SLX4IP: variants seen among roughly 807,000 people sequenced by gnomAD.
SLX4IP encodes protein SLX4IP.
In SLX4IP, 34 loss-of-function variants were observed where a neutral mutation model predicts 32.9. That is an observed-to-expected ratio of 1.03 (90% CI 0.79 to 1.38). The LOEUF is 1.38. SLX4IP is among the 40% of genes most tolerant of loss of function. The pLI is 0.00. For missense variants in SLX4IP, 444 were observed against 479.0 expected, an observed-to-expected ratio of 0.93 and a Z score of 0.68; for synonymous variants, 172 against 171.7, an observed-to-expected ratio of 1.00 and a Z score of -0.01.
intron 5 of SLX4IP, among the ~76,000 whole-genome samples, chr20:10,600,052 A>G (rs4141599): frequency 0.75 from 112,989 of 151,364 alleles, 42,573 homozygotes; most frequent in African/African-American, 0.86. Flanking sequence ...TGATTTTTTT[A>G]GGGGGGGGAG....
intron 2 of SLX4IP, among the ~76,000 whole-genome samples, chr20:10,460,372 A>G (rs967668736): frequency 1.3e-5 from 2 of 152,216 alleles, no homozygotes; most frequent in African/African-American, 4.8e-5. Flanking sequence ...GTTGCCTAGC[A>G]TCAATTGAGT....
intron 6 of SLX4IP, among the ~76,000 whole-genome samples, chr20:10,619,941 A>G (rs762393560): frequency 6.6e-6 from 1 of 152,228 alleles, no homozygotes; most frequent in East Asian, 1.9e-4. Context: ...TTGGGTTATA[A>G]CCAGATATGA....
Position 10,627,369 on chromosome 20 carries a change from A to G in SLX4IP, c.*3990A>G, listed in dbSNP as rs2122580351. Reference sequence around the variant, plus strand: ...AAAATTAGGTTGGTTTATCTTAAATAGTTAAAAGCCTTCCTTAGTACAAAA... The same window carrying G: ...AAAATTAGGTTGGTTTATCTTAAATGGTTAAAAGCCTTCCTTAGTACAAAA... On this transcript the variant is annotated 3_prime_UTR_variant, in exon 8 of 8. Transcript: ENST00000334534. 1 of 152,376 alleles carries G rather than the reference A, an allele frequency of 6.6e-6. No individual in the cohort carries two copies. Among genetic ancestry groups the G allele is most frequent in the Non-Finnish European group, 1.5e-5 (1 of 68,034 alleles). The allele number at this position is 152,376 out of a possible 1,614,324, so 9.4% of individuals were successfully genotyped here. A position where few individuals can be genotyped will look rare whatever the true frequency, so the allele number is the denominator to read the frequency against.
intron 2 of SLX4IP, among the ~76,000 whole-genome samples, chr20:10,522,555 G>A (rs17454468): frequency 0.02 from 3,069 of 152,268 alleles, 42 homozygotes; most frequent in Non-Finnish European, 0.03. Flanking sequence ...GGGCCTGCGG[G>A]TACCAGTGAC....
At chr20:10,436,660 C>T (rs1354168150) in intron 1 of SLX4IP, among the ~76,000 whole-genome samples, 1 of 152,138 alleles carries the variant, frequency 6.6e-6, no homozygotes, top group Non-Finnish European at 1.5e-5. Flanking sequence ...CGGCCTGGCC[C>T]ATTCTTTGTT....
intron 2 of SLX4IP, among the ~76,000 whole-genome samples, chr20:10,522,248 C>T (rs1227830721): frequency 6.6e-6 from 1 of 151,968 alleles, no homozygotes; most frequent in African/African-American, 2.4e-5. Flanking sequence ...TTAGTTTTCT[C>T]TTAATGTTGC....
chr20:10,576,017 G>A (rs967421787), intron 4 of SLX4IP, among the ~76,000 whole-genome samples: 1 of 152,064 alleles, frequency 6.6e-6, no homozygotes, highest in Admixed American at 6.5e-5. Flanking sequence ...AATATCTTGG[G>A]AATTTGGGGG....
intron 4 of SLX4IP, among the ~76,000 whole-genome samples, chr20:10,564,394 A>T (rs2122506272): frequency 6.6e-6 from 1 of 152,258 alleles, no homozygotes; most frequent in African/African-American, 2.4e-5. Flanking sequence ...CTGTGTAGGT[A>T]GTTTGGATGA....
At chr20:10,498,882 A>T (rs1413556597) in intron 2 of SLX4IP, among the ~76,000 whole-genome samples, 1 of 152,054 alleles carries the variant, frequency 6.6e-6, no homozygotes, top group Non-Finnish European at 1.5e-5. Flanking sequence ...TCTACCCTGT[A>T]TAGGGTTAGA....
At chr20:10,496,448 A>G (rs1461925163) in intron 2 of SLX4IP, among the ~76,000 whole-genome samples, 4 of 152,326 alleles carry the variant, frequency 2.6e-5, no homozygotes, top group African/African-American at 9.6e-5. Context: ...AAACCCAATT[A>G]GAGAGTCACA....
intron 6 of SLX4IP, among the ~76,000 whole-genome samples, chr20:10,611,564 C>T (rs1442024790): frequency 6.6e-6 from 1 of 152,196 alleles, no homozygotes; most frequent in Non-Finnish European, 1.5e-5. Context: ...GCCAGGACAG[C>T]TGTGGCTGAT....
intron 6 of SLX4IP, among the ~76,000 whole-genome samples, chr20:10,615,488 C>A (rs1457775505): frequency 6.6e-6 from 1 of 152,126 alleles, no homozygotes; most frequent in Non-Finnish European, 1.5e-5. Flanking sequence ...AAAGTCATTT[C>A]CTAGTAGAGC....
intron 6 of SLX4IP, among the ~76,000 whole-genome samples, chr20:10,616,391 GAAATAAATAAAT>G (rs202239370): frequency 0.2 from 26,710 of 131,592 alleles, 2,666 homozygotes; most frequent in South Asian, 0.28. Context: ...AAAAAAAAAT[GAAATAAATAAAT>G]AAATAAATAA....
At chr20:10,437,776 A>G (rs553195628) in intron 1 of SLX4IP, among the ~76,000 whole-genome samples, 1 of 152,372 alleles carries the variant, frequency 6.6e-6, no homozygotes, top group Non-Finnish European at 1.5e-5. Flanking sequence ...TTTTACAAGT[A>G]CAATATTCAT....
At chr20:10,504,067 C>G (rs1382482630) in intron 2 of SLX4IP, among the ~76,000 whole-genome samples, 2 of 152,204 alleles carry the variant, frequency 1.3e-5, no homozygotes, top group South Asian at 2.1e-4. Flanking sequence ...CCACAATGCT[C>G]TTCGTGAGAA....
chr20:10,562,405 A>T (rs938908791), intron 4 of SLX4IP, among the ~76,000 whole-genome samples: 1 of 152,044 alleles, frequency 6.6e-6, no homozygotes, highest in Non-Finnish European at 1.5e-5. Context: ...GCAGAATTTC[A>T]CGTTATCCCG....
At chr20:10,455,487 A>G (rs1237795507) in intron 1 of SLX4IP, among the ~76,000 whole-genome samples, 3 of 152,128 alleles carry the variant, frequency 2.0e-5, no homozygotes, top group African/African-American at 7.2e-5. Context: ...CTATTTTCCC[A>G]TCAAGTTATC....
At chr20:10,445,690 T>A (rs1353086646) in intron 1 of SLX4IP, among the ~76,000 whole-genome samples, 1 of 151,042 alleles carries the variant, frequency 6.6e-6, no homozygotes, top group African/African-American at 2.4e-5. Context: ...AGTGGCGTGA[T>A]CTCGGCTCAC....
chr20:10,575,946 G>C (rs2066518678), intron 4 of SLX4IP, among the ~76,000 whole-genome samples: 1 of 152,166 alleles, frequency 6.6e-6, no homozygotes, highest in African/African-American at 2.4e-5. Context: ...GATGAGTGAA[G>C]AGGCCTTGTT....
Sources: gnomAD v4.1 joint callset for allele counts (sites outside exome capture counted in the v4.1 genomes callset) on GRCh38, gnomAD v4.1.1 for gene constraint, MANE v1.5 for transcripts, NCBI Gene and HGNC (gene_info 2026-07-23, HGNC 2026-07-21) for gene names.